MAML3: variants seen among roughly 807,000 people sequenced by gnomAD.
The protein encoded by MAML3 is mastermind like transcriptional coactivator 3.
MAML3 carries 27 observed loss-of-function variants against 101.9 expected under a neutral mutation model. The ratio of observed to expected loss-of-function variants is 0.27; its 90% confidence interval spans 0.20 to 0.37. The LOEUF is 0.37. MAML3 is among the 10% of genes least tolerant of loss of function. The pLI, the probability that MAML3 is intolerant of heterozygous loss-of-function variation, is 1.00. For missense variants in MAML3, 1,316 were observed against 1,444.9 expected (o/e 0.91, Z 1.45); for synonymous variants, 501 against 555.9 (o/e 0.90, Z 1.39).
At chr4:139,732,128 C>CT (rs1409880095) in intron 2 of MAML3, among the ~76,000 whole-genome samples, 1 of 152,202 alleles carries the variant, frequency 6.6e-6, no homozygotes, top group Non-Finnish European at 1.5e-5. Context: ...GTGAATAACT[C>CT]TGTCATTTAA....
intron 2 of MAML3, among the ~76,000 whole-genome samples, chr4:139,738,430 T>G (rs368629924): frequency 5.9e-5 from 9 of 152,096 alleles, no homozygotes; most frequent in African/African-American, 2.2e-4. Flanking sequence ...GTAGTCCCAG[T>G]TACTCAGGAG....
chr4:139,776,462 C>T (rs1730098297), intron 2 of MAML3, among the ~76,000 whole-genome samples: 2 of 152,054 alleles, frequency 1.3e-5, no homozygotes, highest in Admixed American at 6.5e-5. Context: ...GAAAGCACTC[C>T]GAAGACCACA....
At chr4:139,830,817 G>A (rs1403601976) in intron 2 of MAML3, among the ~76,000 whole-genome samples, 2 of 151,866 alleles carry the variant, frequency 1.3e-5, no homozygotes, top group African/African-American at 4.8e-5. Context: ...AACAATCACC[G>A]GCCTCTTACA....
At chr4:140,113,592 G>A (rs756216928) in intron 1 of MAML3, among the ~76,000 whole-genome samples, 4 of 152,112 alleles carry the variant, frequency 2.6e-5, no homozygotes, top group Non-Finnish European at 4.4e-5. Flanking sequence ...ATTCCTACTC[G>A]GTGGCCTTCA....
intron 1 of MAML3, among the ~76,000 whole-genome samples, chr4:140,152,492 G>A (rs1729191358): frequency 6.6e-6 from 1 of 152,122 alleles, no homozygotes; most frequent in Non-Finnish European, 1.5e-5. Context: ...GAGCGGCGAA[G>A]AGGAGGAGCA....
chr4:140,150,838 T>A (rs1259881886), intron 1 of MAML3, among the ~76,000 whole-genome samples: 15 of 152,156 alleles, frequency 9.9e-5, no homozygotes, highest in Non-Finnish European at 2.9e-5. Context: ...CGCCTCCGGC[T>A]ACAATCAGAA....
At chr4:140,067,938 C>T (rs1307432239) in intron 1 of MAML3, among the ~76,000 whole-genome samples, 1 of 152,076 alleles carries the variant, frequency 6.6e-6, no homozygotes. Flanking sequence ...TCACCACTGC[C>T]CAGACTGGTC....
chr4:139,867,902 C>T (rs554069924), intron 2 of MAML3, among the ~76,000 whole-genome samples: 19 of 152,298 alleles, frequency 1.2e-4, no homozygotes, highest in Admixed American at 5.9e-4. Context: ...CTGGCTGCCC[C>T]GGGACTCTTA....
intron 1 of MAML3, among the ~76,000 whole-genome samples, chr4:140,000,446 C>A (rs1287965296): frequency 6.6e-6 from 1 of 152,118 alleles, no homozygotes; most frequent in Non-Finnish European, 1.5e-5. Flanking sequence ...AAAATCAATA[C>A]TAGCTCCTTA....
In MAML3 at chr4:139,720,249, G is replaced by T. The variant is rs748898518; in HGVS notation, c.2491C>A (p.Gln831Lys). ...CCTATTCCCATCATGCCTGCGTTCT[G>T]TGCCATCAGCCGTGACGTTCGCATG... ...QSMRTSRLMA[Q>K]NAGMMGIGPS... The change falls in exon 5 of 5, where the codon CAG becomes AAG. Residue 831 changes from glutamine (Q) to lysine (K), a missense_variant. Gln to Lys is a moderately conservative substitution (Grantham distance 53). Transcript: ENST00000509479. 2.1e-5 allele frequency: 33 copies of T among 1,603,488 alleles called. No individual in the cohort carries two copies. Among genetic ancestry groups the T allele is most frequent in the Non-Finnish European group, 2.6e-5 (31 of 1,173,000 alleles).
rs564373810 is a variant in MAML3 at position 139,970,049 on chromosome 4, G to T, written c.469-79082C>A. On this transcript the variant is annotated intron_variant, in intron 1 of 4. Transcript: ENST00000509479. The stretch of plus-strand genomic sequence containing the variant: ...TAACTACTGGGTATGAGGTCAGTGG[G>T]TTATGAAAGATACAGTCCCTGCCTT... 2.6e-5 allele frequency among the ~76,000 whole-genome samples: 4 copies of T among 152,304 alleles called. No homozygotes were observed. The South Asian group carries it at 8.3e-4, about 32-fold the overall frequency.
chr4:139,949,511 G>T (rs995106948), intron 1 of MAML3, among the ~76,000 whole-genome samples: 8 of 152,128 alleles, frequency 5.3e-5, no homozygotes, highest in African/African-American at 1.9e-4. Flanking sequence ...AAACCAGGAA[G>T]CATGTCACTG....
At chr4:139,977,701 C>T (rs1276393295) in intron 1 of MAML3, among the ~76,000 whole-genome samples, 2 of 151,860 alleles carry the variant, frequency 1.3e-5, no homozygotes, top group South Asian at 2.1e-4. Flanking sequence ...GGTGAAACCC[C>T]GTCTCTACTA....
intron 2 of MAML3, among the ~76,000 whole-genome samples, chr4:139,738,597 A>T (rs1729040385): frequency 6.6e-6 from 1 of 152,182 alleles, no homozygotes; most frequent in Admixed American, 6.5e-5. Context: ...CTAAATGCTT[A>T]ATTGATAGGG....
At chr4:139,784,234 C>T (rs889831015) in intron 2 of MAML3, among the ~76,000 whole-genome samples, 5 of 152,190 alleles carry the variant, frequency 3.3e-5, no homozygotes, top group Admixed American at 1.3e-4. Flanking sequence ...GACCTGGGAG[C>T]GTCCACACAA....
At chr4:139,745,159 C>T (rs1333309988) in intron 2 of MAML3, among the ~76,000 whole-genome samples, 2 of 152,068 alleles carry the variant, frequency 1.3e-5, no homozygotes, top group African/African-American at 4.8e-5. Flanking sequence ...AGAGCGGCCA[C>T]CTGCAAGGAG....
rs907080605 is a variant in MAML3 at position 139,896,329 on chromosome 4, C to G, written c.469-5362G>C. Among the ~76,000 whole-genome samples, 5 of 152,180 alleles carry G rather than the reference C, an allele frequency of 3.3e-5. No homozygotes were observed. In the South Asian group the frequency reaches 6.2e-4, roughly 19 times the overall value. ...CCCTTCTGCCTCGCAAAGCCCGAAGCCTCTTAGTATGACTGCACCCTCGTG... is the reference window on the plus strand; with the variant it reads ...CCCTTCTGCCTCGCAAAGCCCGAAGGCTCTTAGTATGACTGCACCCTCGTG... On this transcript the variant is annotated intron_variant, in intron 1 of 4. Coordinates refer to ENST00000509479, the MANE Select transcript of MAML3 (RefSeq NM_018717.5).
chr4:139,910,356 C>A (rs1732895267), intron 1 of MAML3, among the ~76,000 whole-genome samples: 1 of 152,188 alleles, frequency 6.6e-6, no homozygotes, highest in African/African-American at 2.4e-5. Context: ...TGTTGTTTGT[C>A]CAACATTGCT....
In MAML3 at chr4:140,016,138, T is replaced by G. The variant is rs147253576; in HGVS notation, c.469-125171A>C. ...ACAAAATATAATTTATATTTCTATG[T>G]CCTAGCAATAAATATGTGAGCACCA... On this transcript the variant is annotated intron_variant, in intron 1 of 4. Transcript: ENST00000509479. Among the ~76,000 whole-genome samples the G allele has an allele frequency of 9.0e-3, 1,370 of 152,290 alleles. 6 individuals carry two copies. Among genetic ancestry groups the G allele is most frequent in the Middle Eastern group, 0.017 (5 of 294 alleles).
Sources: gnomAD v4.1 joint callset for allele counts (sites outside exome capture counted in the v4.1 genomes callset) on GRCh38, gnomAD v4.1.1 for gene constraint, MANE v1.5 for transcripts, NCBI Gene and HGNC (gene_info 2026-07-23, HGNC 2026-07-21) for gene names.